CNTNAP1: variants seen among roughly 807,000 people sequenced by gnomAD.
CNTNAP1 encodes contactin associated protein 1.
A neutral mutation model predicts 161.5 loss-of-function variants in CNTNAP1; 80 were observed. That is an observed-to-expected ratio of 0.50 (90% CI 0.41 to 0.60). CNTNAP1 has a LOEUF of 0.60. Among genes scored for constraint, CNTNAP1 ranks in the 20% least tolerant of loss-of-function variants. The pLI, the probability that CNTNAP1 is intolerant of heterozygous loss-of-function variation, is 0.00. For synonymous variants in CNTNAP1, 695 were observed against 733.1 expected (o/e 0.95, Z 0.84); for missense variants, 1,464 against 1,854.8 (o/e 0.79, Z 3.87).
chr17:42,684,190 G>A lies in CNTNAP1; in HGVS notation c.324G>A (p.Val108=). 6.2e-7 allele frequency: 1 copy of A among 1,614,056 alleles called. No homozygotes were observed. The change falls in exon 3 of 24, where the codon GTG becomes GTA. Residue 108 remains valine (V), a synonymous_variant. Transcript: ENST00000264638. ...TRYMLLYGDR[V]DSWTPFYQRG... ...ACATGCTACTCTACGGCGACCGAGT[G>A]GACAGCTGGACACCGTTCTACCAGC...
chr17:42,685,419 G>T lies in CNTNAP1; in HGVS notation c.714G>T (p.Leu238=). ...EGAHLLLHMS[L]GSSPIQPRPG... is the part of the protein sequence containing the mutation. ...CACACCTGCTGCTGCACATGAGCCTGGGTGAGCTCGGCGACCATGTGCGAT... is the reference window on the plus strand; with the variant it reads ...CACACCTGCTGCTGCACATGAGCCTTGGTGAGCTCGGCGACCATGTGCGAT... Residue 238 remains leucine, a splice_region_variant and synonymous_variant, in exon 5 of 24, where the codon CTG becomes CTT. Transcript: ENST00000264638. The surrounding 1 kb of genome is among the most constrained non-coding windows in gnomAD (Gnocchi z 5.0). 1 of 1,600,548 alleles carries T rather than the reference G, an allele frequency of 6.2e-7. No homozygotes were observed.
In CNTNAP1 at chr17:42,691,424, C is replaced by T. The variant is rs2053084832; in HGVS notation, c.2257C>T (p.Pro753Ser). The part of the protein sequence containing the change: ...KGLLTFVDHL[P>S]VTQVVIGDTN... ...ACTGCTGACCTTTGTGGACCATCTGCCTGTCACTCAGGTAGTGATAGGGGA... is the reference window on the plus strand; with the variant it reads ...ACTGCTGACCTTTGTGGACCATCTGTCTGTCACTCAGGTAGTGATAGGGGA... The change falls in exon 15 of 24, where the codon CCT becomes TCT. Residue 753 changes from proline to serine, a missense_variant. Physicochemically the swap from Pro to Ser is moderately conservative, Grantham distance 74. Around this residue, in one of 3 missense-constraint regions of CNTNAP1, gnomAD observed 1,383 missense variants for 1,765.0 expected, o/e 0.78. Transcript: ENST00000264638. The surrounding 1 kb of genome is among the most constrained non-coding windows in gnomAD (Gnocchi z 4.3). The T allele has an allele frequency of 2.8e-5, 45 of 1,614,126 alleles. No individual in the cohort carries two copies. Among genetic ancestry groups the T allele is most frequent in the Non-Finnish European group, 3.8e-5 (45 of 1,180,014 alleles).
chr17:42,690,927 C>A lies in CNTNAP1; in HGVS notation c.2044C>A (p.Leu682Met). 1 of 1,614,200 alleles carries A rather than the reference C, an allele frequency of 6.2e-7. No individual in the cohort carries two copies. Among genetic ancestry groups the A allele is most frequent in the Non-Finnish European group, 8.5e-7 (1 of 1,180,036 alleles). ...CGAGTTCTCCTGCTACAATTCCCGG[C>A]TGCTCAACACTGCAGGTTAGGGCTG... ...WIEFSCYNSR[L>M]LNTAGGYPYS... The change falls in exon 13 of 24, where the codon CTG becomes ATG. Residue 682 changes from leucine to methionine, a missense_variant. This residue lies in a region of CNTNAP1 where 1,383 missense variants were observed against 1,765.0 expected (regional missense o/e 0.78). Coordinates refer to ENST00000264638, the MANE Select transcript of CNTNAP1 (RefSeq NM_003632.3).
At chr17:42,690,614 G>C in intron 12 of CNTNAP1, 125 bp from the exon 13 acceptor site, 1 of 876,208 alleles carries the variant, frequency 1.1e-6, no homozygotes, top group Non-Finnish European at 1.9e-6. Context: ...CCAGGGCAGA[G>C]GTGGAATGGA....
At position 42,690,151 on chromosome 17, in the gene CNTNAP1, T is replaced by C; in HGVS notation, c.1799T>C (p.Ile600Thr). Residue 600 changes from isoleucine to threonine, a missense_variant, in exon 12 of 24, where the codon ATT (isoleucine) becomes ACT (threonine). Around this residue, in one of 3 missense-constraint regions of CNTNAP1, gnomAD observed 1,383 missense variants for 1,765.0 expected, o/e 0.78. Transcript: ENST00000264638. Reference protein sequence around the residue: ...LSGKTSGNFTIDPDGSGPLKP... With the variant: ...LSGKTSGNFTTDPDGSGPLKP... The stretch of plus-strand genomic sequence containing the variant: ...GGGAAAACTTCTGGAAACTTCACCA[T>C]TGATCCTGATGGCAGTGGCCCCCTG... 1 of 1,614,004 alleles carries C rather than the reference T, an allele frequency of 6.2e-7. No homozygotes were observed. Among genetic ancestry groups the C allele is most frequent in the Non-Finnish European group, 8.5e-7 (1 of 1,179,942 alleles).
In CNTNAP1 at chr17:42,687,987, G is replaced by C. The variant is rs778425372; in HGVS notation, c.1306+6G>C. ...GAAGCTTCAGTTCGCTGCTGGTGAG[G>C]GCGTTTCGGGGGAGGCACAAGAAGA... On this transcript the variant is annotated splice_donor_region_variant and intron_variant, in intron 8 of 23. Transcript: ENST00000264638. The surrounding 1 kb of genome is among the most constrained non-coding windows in gnomAD (Gnocchi z 4.7). 2 of 1,610,498 alleles carry C rather than the reference G, an allele frequency of 1.2e-6. No individual in the cohort carries two copies. The highest frequency in any genetic ancestry group is 1.7e-6 in the Non-Finnish European group (2 of 1,177,978).
rs755370304 is a variant in CNTNAP1 at position 42,698,687 on chromosome 17, A to G, written c.3932A>G (p.Tyr1311Cys). 1.9e-6 allele frequency: 3 copies of G among 1,613,230 alleles called. No homozygotes were observed. Among genetic ancestry groups the G allele is most frequent in the East Asian group, 2.2e-5 (1 of 44,848 alleles). ...CTCTTCTATCTGCAAAATCATCGCT[A>G]TAAGGGCTCCTACCATACCAATGAG... ...LVLFYLQNHRYKGSYHTNEPK... is the reference protein window; with the variant it reads ...LVLFYLQNHRCKGSYHTNEPK... The change falls in exon 24 of 24, where the codon TAT becomes TGT. Residue 1311 changes from tyrosine to cysteine, a missense_variant. This residue lies in a region of CNTNAP1 where 1,383 missense variants were observed against 1,765.0 expected (regional missense o/e 0.78). Transcript: ENST00000264638.
intron 23 of CNTNAP1, 120 bp downstream of exon 23, chr17:42,698,070 C>T (rs2053174022): frequency 8.9e-7 from 1 of 1,123,410 alleles, no homozygotes; most frequent in African/African-American, 1.5e-5. Context: ...CACAATGGCA[C>T]AAAGGATGAT....
In CNTNAP1 at chr17:42,692,020, G is replaced by A. The variant is rs761538100; in HGVS notation, c.2530+29G>A. Reference sequence around the variant, plus strand: ...AGCAGGCAGACTGTGGGAGGGCCTCGGGGTAGATGAAAGTGCTGTCTGGGG... The same window carrying A: ...AGCAGGCAGACTGTGGGAGGGCCTCAGGGTAGATGAAAGTGCTGTCTGGGG... On this transcript the variant is annotated intron_variant, in intron 16 of 23. Coordinates refer to ENST00000264638, the MANE Select transcript of CNTNAP1 (RefSeq NM_003632.3). 156 of 1,605,188 alleles carry A rather than the reference G, an allele frequency of 9.7e-5. 1 individual carries two copies. The highest frequency in any genetic ancestry group is 4.7e-4 in the East Asian group (21 of 44,692).
rs753148427 is a variant in CNTNAP1, at chr17:42,683,933, C to T, written c.169+11C>T. 9.3e-6 allele frequency: 15 copies of T among 1,613,658 alleles called. No homozygotes were observed. In the South Asian group the frequency reaches 1.5e-4, roughly 17 times the overall value. ...TCGCCAGGCTGCACGGTGAGCTCCG[C>T]GGAACATCAGCTGCCAACTGGCAGC... On this transcript the variant is annotated intron_variant, in intron 2 of 23. Coordinates refer to ENST00000264638, the MANE Select transcript of CNTNAP1 (RefSeq NM_003632.3).
intron 17 of CNTNAP1, among the ~76,000 whole-genome samples, chr17:42,692,979 C>T (rs1192518939): frequency 1.4e-4 from 20 of 141,858 alleles, no homozygotes; most frequent in Admixed American, 8.4e-4. Flanking sequence ...TTTTTTGAGA[C>T]GGAGTCTCGC....
intron 1 of CNTNAP1, 29 bp downstream of exon 1, chr17:42,682,925 G>A (rs1340401716): frequency 4.4e-6 from 7 of 1,579,188 alleles, no homozygotes; most frequent in Non-Finnish European, 6.0e-6. Context: ...GGCAGGTGGG[G>A]TTGGGCCCAG....
rs750610399 is a variant in CNTNAP1 at position 42,692,618 on chromosome 17, G to A, written c.2650G>A (p.Val884Met). ...GCACCTGGTCCGGGCTGAAATCAAC[G>A]TGAAGCAGGCCCGGCTCCGAGTGGA... is the stretch of plus-strand genomic sequence containing the variant. ...EWHLVRAEIN[V>M]KQARLRVDHR... Residue 884 changes from valine (V) to methionine (M), a missense_variant, in exon 17 of 24, where the codon GTG becomes ATG. Val to Met is a conservative substitution (Grantham distance 21). This residue lies in a region of CNTNAP1 where 1,383 missense variants were observed against 1,765.0 expected (regional missense o/e 0.78). Coordinates refer to ENST00000264638, the MANE Select transcript of CNTNAP1 (RefSeq NM_003632.3). 2.5e-6 allele frequency: 4 copies of A among 1,614,112 alleles called. No homozygotes were observed. The highest frequency in any genetic ancestry group is 4.5e-5 in the East Asian group (2 of 44,890).
In CNTNAP1 at chr17:42,682,648, GAGA is replaced by G; in HGVS notation, c.-180_-178del. 1.6e-6 allele frequency: 1 copy of G among 621,806 alleles called. No individual in the cohort carries two copies. The highest frequency in any genetic ancestry group is 2.8e-5 in the East Asian group (1 of 35,174). The allele number at this position is 621,806 out of a possible 1,614,324, so 38.5% of individuals were successfully genotyped here. The stretch of plus-strand genomic sequence containing the variant: ...GGACCAGGAACCAGAGAGAGAGAGA[GAGA>G]AAAGAGAGAGGAGAGACAGAGCGCT... On this transcript the variant is annotated 5_prime_UTR_variant, in exon 1 of 24. Coordinates refer to ENST00000264638, the MANE Select transcript of CNTNAP1 (RefSeq NM_003632.3).
At chr17:42,693,150 G>T in intron 17 of CNTNAP1, 147 bp from the exon 18 acceptor site, 1 of 940,696 alleles carries the variant, frequency 1.1e-6, no homozygotes, top group East Asian at 2.6e-5. Flanking sequence ...TAGTAGAGAC[G>T]GGGTTTCATC....
intron 18 of CNTNAP1, among the ~76,000 whole-genome samples, chr17:42,693,782 G>A (rs2053121179): frequency 6.6e-6 from 1 of 152,176 alleles, no homozygotes; most frequent in African/African-American, 2.4e-5. Flanking sequence ...TATGCTTTGG[G>A]AGCCCAAGGT....
chr17:42,690,946 A>G lies in CNTNAP1; in HGVS notation c.2059+4A>G, dbSNP rs1267038261. 1 of 1,613,928 alleles carries G rather than the reference A, an allele frequency of 6.2e-7. No individual in the cohort carries two copies. The highest frequency in any genetic ancestry group is 8.5e-7 in the Non-Finnish European group (1 of 1,179,950). ...TCCCGGCTGCTCAACACTGCAGGTT[A>G]GGGCTGGGGTCAGGGAGGTGGCGGA... On this transcript the variant is annotated splice_donor_region_variant and intron_variant, in intron 13 of 23. Coordinates refer to ENST00000264638, the MANE Select transcript of CNTNAP1 (RefSeq NM_003632.3).
chr17:42,695,882 C>A lies in CNTNAP1; in HGVS notation c.3346+8C>A. On this transcript the variant is annotated splice_region_variant and intron_variant, in intron 19 of 23. Transcript: ENST00000264638. ...TGCTCATCAAGGATGATGGTAAGCT[C>A]TCCCGGGCTCTCTCACCCCACTCCA... 2 of 1,606,490 alleles carry A rather than the reference C, an allele frequency of 1.2e-6. No individual in the cohort carries two copies. The highest frequency in any genetic ancestry group is 1.7e-6 in the Non-Finnish European group (2 of 1,174,338).
Position 42,690,328 on chromosome 17 carries a change from T to G in CNTNAP1, c.1855+121T>G. The G allele has an allele frequency of 1.5e-5, 19 of 1,227,974 alleles. No individual in the cohort carries two copies. In the South Asian group the frequency reaches 2.5e-4, roughly 16 times the overall value. 76.1% of individuals were successfully genotyped at this position (1,227,974 alleles called of 1,614,324 possible). A position where few individuals can be genotyped will look rare whatever the true frequency, so the allele number is the denominator to read the frequency against. ...AGGAGGACAGAGGGGAAGGGCATAC[T>G]GAGGAATTTGTAACCTAGCCTTAAA... On this transcript the variant is annotated intron_variant, in intron 12 of 23. Transcript: ENST00000264638.
Sources: allele counts gnomAD v4.1 joint callset (sites outside exome capture counted in the v4.1 genomes callset), GRCh38; gene constraint gnomAD v4.1.1; regional missense constraint gnomAD v4.1.1; non-coding constraint Gnocchi (gnomAD v3.1); transcripts MANE v1.5; gene names NCBI Gene and HGNC (gene_info 2026-07-23, HGNC 2026-07-21).